Variants in VPS13B observed in about 807,000 individuals in gnomAD.
VPS13B encodes intermembrane lipid transfer protein VPS13B.
In VPS13B, 285 loss-of-function variants were observed where a neutral mutation model predicts 426.4. The observed-to-expected ratio is 0.67, with a 90% CI of 0.61 to 0.74. The LOEUF (loss-of-function observed/expected upper bound fraction) is 0.74, where lower values mean the gene tolerates loss of function less well. Among genes scored for constraint, VPS13B ranks in the 30% least tolerant of loss-of-function variants. The pLI, the probability that VPS13B is intolerant of heterozygous loss-of-function variation, is 0.00. For missense variants in VPS13B, 4,537 were observed against 4,782.6 expected (o/e 0.95, Z 1.51); for synonymous variants, 1,676 against 1,676.4 (o/e 1.00, Z 0.01).
rs537680314 is a variant in VPS13B at position 99,815,729 on chromosome 8, A to G, written c.8098-1811A>G. Among the ~76,000 whole-genome samples the G allele has an allele frequency of 5.9e-5, 9 of 152,322 alleles. No individual in the cohort carries two copies. The South Asian group carries it at 1.2e-3, about 21-fold the overall frequency. ...GTATGTGAAAGTCCTATTTTCTCCA[A>G]TCATGGTGAATATTCATATTACAGA... is the stretch of plus-strand genomic sequence containing the variant. On this transcript the variant is annotated intron_variant, in intron 44 of 61. Transcript: ENST00000357162.
intron 19 of VPS13B, chr8:99,340,351 G>C (rs1811174798): frequency 2.6e-6 from 1 of 392,012 alleles, no homozygotes; most frequent in East Asian, 6.6e-5. Flanking sequence ...TGCCTCATAG[G>C]CAGCAACATA....
chr8:99,209,891 A>G, intron 17 of VPS13B: 1 of 330,504 alleles, frequency 3.0e-6, no homozygotes, highest in Non-Finnish European at 3.8e-6. Context: ...AAATGTTAAT[A>G]TTTGGTTCGT....
intron 19 of VPS13B, among the ~76,000 whole-genome samples, chr8:99,350,799 T>C (rs1811837276): frequency 6.6e-6 from 1 of 151,558 alleles, no homozygotes; most frequent in African/African-American, 2.4e-5. Context: ...TTATAATATG[T>C]ATATATAATA....
chr8:99,058,289 C>T (rs193073558), intron 3 of VPS13B, among the ~76,000 whole-genome samples: 13 of 151,516 alleles, frequency 8.6e-5, no homozygotes, highest in East Asian at 3.9e-4. Flanking sequence ...AAATATAATG[C>T]CCCCTTTTTT....
intron 22 of VPS13B, among the ~76,000 whole-genome samples, chr8:99,439,830 A>G (rs1169313836): frequency 5.3e-5 from 8 of 152,238 alleles, no homozygotes; most frequent in African/African-American, 1.9e-4. Context: ...GATCACAATT[A>G]TAGAGCACTA....
intron 40 of VPS13B, among the ~76,000 whole-genome samples, chr8:99,768,731 A>G (rs1363464227): frequency 1.3e-5 from 2 of 152,200 alleles, no homozygotes; most frequent in Non-Finnish European, 2.9e-5. Context: ...GTGAAAATAT[A>G]TTAGAGAAGT....
chr8:99,067,615 A>T (rs1412391306), intron 3 of VPS13B, among the ~76,000 whole-genome samples: 2 of 152,278 alleles, frequency 1.3e-5, no homozygotes, highest in African/African-American at 2.4e-5. Context: ...CACGTTGTGC[A>T]CATGTACCCT....
At chr8:99,734,174 A>G (rs949395008) in intron 39 of VPS13B, among the ~76,000 whole-genome samples, 7 of 152,172 alleles carry the variant, frequency 4.6e-5, no homozygotes, top group African/African-American at 1.7e-4. Flanking sequence ...TTCACAGTTC[A>G]TCCATGTCGT....
intron 2 of VPS13B, among the ~76,000 whole-genome samples, chr8:99,035,740 C>A (rs1287873524): frequency 7.0e-6 from 1 of 143,528 alleles, no homozygotes; most frequent in Non-Finnish European, 1.6e-5. Flanking sequence ...TGTTGAGGAA[C>A]CTCCATATTA....
At chr8:99,351,602 G>A (rs1200867982) in intron 19 of VPS13B, among the ~76,000 whole-genome samples, 1 of 152,012 alleles carries the variant, frequency 6.6e-6, no homozygotes, top group Non-Finnish European at 1.5e-5. Context: ...TCAAAATGTG[G>A]TCACCACCTG....
intron 12 of VPS13B, among the ~76,000 whole-genome samples, chr8:99,139,736 C>A (rs1356848482): frequency 6.6e-6 from 1 of 151,892 alleles, no homozygotes; most frequent in Non-Finnish European, 1.5e-5. Flanking sequence ...TGCGCCCGGC[C>A]CTCTGTTGAT....
chr8:99,591,544 G>A (rs12678012), intron 33 of VPS13B, among the ~76,000 whole-genome samples: 1 of 151,876 alleles, frequency 6.6e-6, no homozygotes, highest in Non-Finnish European at 1.5e-5. Context: ...TCAGGCAGAT[G>A]TGGTGGTGAC....
chr8:99,688,593 A>G (rs1328024277), intron 35 of VPS13B, among the ~76,000 whole-genome samples: 1 of 152,040 alleles, frequency 6.6e-6, no homozygotes, highest in Admixed American at 6.5e-5. Context: ...GATTGCTTGG[A>G]TAAATTAATT....
At chr8:99,168,235 C>T (rs924387553) in intron 15 of VPS13B, among the ~76,000 whole-genome samples, 4 of 151,998 alleles carry the variant, frequency 2.6e-5, no homozygotes, top group Non-Finnish European at 5.9e-5. Flanking sequence ...CATCTCTAGG[C>T]AACACAAAAG....
intron 3 of VPS13B, among the ~76,000 whole-genome samples, chr8:99,051,952 G>A (rs570569949): frequency 1.3e-5 from 2 of 152,228 alleles, no homozygotes; most frequent in African/African-American, 2.4e-5. Flanking sequence ...GGGTTTTCTC[G>A]ATATACAATC....
intron 19 of VPS13B, among the ~76,000 whole-genome samples, chr8:99,303,117 A>G (rs1481148578): frequency 1.3e-5 from 2 of 151,940 alleles, no homozygotes; most frequent in Non-Finnish European, 2.9e-5. Context: ...CTTCTCTACT[A>G]AAAATACACA....
rs1242367286 is a variant in VPS13B at position 99,870,113 on chromosome 8, T to A, written c.11393-672T>A. Among the ~76,000 whole-genome samples, 9 of 152,380 alleles carry A rather than the reference T, an allele frequency of 5.9e-5. No homozygotes were observed. The East Asian group carries it at 1.7e-3, about 29-fold the overall frequency. ...TGCCTTTGTATATATCTGTGTGTTT[T>A]TTATTTTTTGACTAGCCTTAGCACA... On this transcript the variant is annotated intron_variant, in intron 59 of 61. Transcript: ENST00000357162.
At position 99,720,868 on chromosome 8, in the gene VPS13B, T is replaced by C. The variant is rs1485693733; in HGVS notation, c.6871T>C (p.Leu2291=). ...LFQYVQDAES[L]KLPGVYEVLF... ...ATTATACTTTTATTTGACAGAATCT[T>C]TGAAATTGCCTGGGGTCTATGAAGT... is the stretch of plus-strand genomic sequence containing the variant. Residue 2291 remains leucine (L), a synonymous_variant, in exon 39 of 62, where the codon TTG becomes CTG. Transcript: ENST00000357162. The C allele has an allele frequency of 6.2e-7, 1 of 1,613,102 alleles. No homozygotes were observed. Among genetic ancestry groups the C allele is most frequent in the Non-Finnish European group, 8.5e-7 (1 of 1,179,470 alleles).
intron 19 of VPS13B, among the ~76,000 whole-genome samples, chr8:99,311,723 C>G (rs1259970376): frequency 6.6e-6 from 1 of 152,096 alleles, no homozygotes; most frequent in Non-Finnish European, 1.5e-5. Flanking sequence ...CCTGGATATC[C>G]TTGTTAACTT....
Sources: gnomAD v4.1 joint callset for allele counts (sites outside exome capture counted in the v4.1 genomes callset) on GRCh38, gnomAD v4.1.1 for gene constraint, MANE v1.5 for transcripts, NCBI Gene and HGNC (gene_info 2026-07-23, HGNC 2026-07-21) for gene names.